Variants in MRTFA observed in about 807,000 individuals in gnomAD.
MRTFA encodes myocardin-related transcription factor A.
MRTFA carries 20 observed loss-of-function variants against 83.5 expected under a neutral mutation model. The ratio of observed to expected loss-of-function variants is 0.24; its 90% CI spans 0.17 to 0.35. MRTFA has a LOEUF of 0.35. Among genes scored for constraint, MRTFA ranks in the 10% least tolerant of loss-of-function variants. The pLI, the probability that MRTFA is intolerant of heterozygous loss-of-function variation, is 1.00. For missense variants in MRTFA, 1,200 were observed against 1,224.7 expected (o/e 0.98, Z 0.30); for synonymous variants, 659 against 541.2 (o/e 1.22, Z -3.02).
intron 1 of MRTFA, among the ~76,000 whole-genome samples, chr22:40,599,282 G>A (rs543012091): frequency 2.0e-5 from 3 of 152,152 alleles, no homozygotes; most frequent in East Asian, 1.9e-4. Context: ...TGGGCAACAA[G>A]AACGAAACTC....
intron 1 of MRTFA, among the ~76,000 whole-genome samples, chr22:40,604,922 G>C (rs961657240): frequency 6.6e-5 from 10 of 152,098 alleles, no homozygotes; most frequent in Non-Finnish European, 2.9e-5. Flanking sequence ...GCAAGTATGT[G>C]GTGCCATAAA....
chr22:40,548,621 G>A (rs951182840), intron 3 of MRTFA, among the ~76,000 whole-genome samples: 2 of 152,056 alleles, frequency 1.3e-5, no homozygotes, highest in Non-Finnish European at 2.9e-5. Flanking sequence ...AGCACTTTGG[G>A]AGGCCAAGGC....
intron 1 of MRTFA, among the ~76,000 whole-genome samples, chr22:40,616,271 A>G (rs1217186109): frequency 6.6e-6 from 1 of 152,190 alleles, no homozygotes; most frequent in Non-Finnish European, 1.5e-5. Context: ...CTCTTTATTA[A>G]AACCCATGAT....
chr22:40,453,147 A>AAT (rs1405477701), intron 4 of MRTFA, among the ~76,000 whole-genome samples: 1 of 152,248 alleles, frequency 6.6e-6, no homozygotes, highest in Non-Finnish European at 1.5e-5. Context: ...TCTCAGCTTC[A>AAT]ACTCTAGGGA....
intron 4 of MRTFA, among the ~76,000 whole-genome samples, chr22:40,445,889 T>G (rs2053368358): frequency 6.6e-6 from 1 of 152,192 alleles, no homozygotes; most frequent in Non-Finnish European, 1.5e-5. Flanking sequence ...TTGGTTGTTG[T>G]CAATTTGGTC....
rs1425034488 is a variant in MRTFA at position 40,429,751 on chromosome 22, T to C, written c.456A>G (p.Pro152=). 1 of 1,613,168 alleles carries C rather than the reference T, an allele frequency of 6.2e-7. No individual in the cohort carries two copies. Residue 152 remains proline, a synonymous_variant, in exon 7 of 15, where the codon CCA becomes CCG. Coordinates refer to ENST00000355630, the MANE Select transcript of MRTFA (RefSeq NM_020831.6). Reference sequence around the variant, plus strand: ...GCTTCAGCTGCTTGGCCTGGAGGGATGGCTCAGCCGAGGTCTCTGCCCATG... The same window carrying C: ...GCTTCAGCTGCTTGGCCTGGAGGGACGGCTCAGCCGAGGTCTCTGCCCATG...
intron 1 of MRTFA, among the ~76,000 whole-genome samples, chr22:40,629,775 C>CAAAA (rs766356425): frequency 2.5e-5 from 1 of 40,366 alleles, no homozygotes; most frequent in Non-Finnish European, 5.3e-5. Context: ...GATTCCATCT[C>CAAAA]AAAAAAAAAA....
At chr22:40,501,747 G>A (rs1309107307) in intron 3 of MRTFA, among the ~76,000 whole-genome samples, 1 of 55,502 alleles carries the variant, frequency 1.8e-5, no homozygotes, top group African/African-American at 8.2e-5. Flanking sequence ...TTCCCAGTAG[G>A]GGCGGCTGGG....
intron 3 of MRTFA, among the ~76,000 whole-genome samples, chr22:40,530,328 G>C (rs562980034): frequency 6.6e-6 from 1 of 152,092 alleles, no homozygotes; most frequent in South Asian, 2.1e-4. Flanking sequence ...GCAGGGTCTC[G>C]CTCTGTCGCC....
At chr22:40,605,539 A>G (rs1165723325) in intron 1 of MRTFA, among the ~76,000 whole-genome samples, 1 of 152,132 alleles carries the variant, frequency 6.6e-6, no homozygotes, top group Non-Finnish European at 1.5e-5. Context: ...CAATGGAAAA[A>G]CCACCGCAGG....
intron 2 of MRTFA, among the ~76,000 whole-genome samples, chr22:40,592,309 G>A (rs1214168843): frequency 2.7e-5 from 4 of 150,180 alleles, no homozygotes; most frequent in East Asian, 1.9e-4. Context: ...TTAGCCAGGC[G>A]TGGTGGCACA....
At chr22:40,448,237 G>A (rs1290000556) in intron 4 of MRTFA, among the ~76,000 whole-genome samples, 2 of 152,216 alleles carry the variant, frequency 1.3e-5, no homozygotes, top group Non-Finnish European at 1.5e-5. Flanking sequence ...TTGAACCCGG[G>A]TAGCGGAGGT....
intron 3 of MRTFA, among the ~76,000 whole-genome samples, chr22:40,537,032 C>G (rs1299072441): frequency 1.6e-5 from 1 of 61,772 alleles, no homozygotes; most frequent in Admixed American, 1.9e-4. Flanking sequence ...TCAGCCCCCC[C>G]GCCCGGCCAG....
intron 5 of MRTFA, chr22:40,433,600 T>C (rs2053112112): frequency 6.5e-6 from 1 of 153,846 alleles, no homozygotes; most frequent in African/African-American, 2.4e-5. Flanking sequence ...ATAGCTGCCT[T>C]ATGTAGCACG....
At chr22:40,596,753 C>T (rs1197526246) in intron 1 of MRTFA, among the ~76,000 whole-genome samples, 1 of 152,126 alleles carries the variant, frequency 6.6e-6, no homozygotes, top group Non-Finnish European at 1.5e-5. Flanking sequence ...TGCAGTGAGC[C>T]AAGATCACAC....
Position 40,423,640 on chromosome 22 carries a change from A to T in MRTFA, c.823T>A (p.Phe275Ile). 6.3e-7 allele frequency: 1 copy of T among 1,591,678 alleles called. No homozygotes were observed. Among genetic ancestry groups the T allele is most frequent in the Non-Finnish European group, 8.6e-7 (1 of 1,168,220 alleles). ...GGCAGAGGAGGCTGCTCTGCCAGGA[A>T]AAGCATTTCTCTGGAATCCCGGCCC... Residue 275 changes from phenylalanine (F) to isoleucine (I), a missense_variant, in exon 9 of 15, where the codon TTC becomes ATC. By Grantham distance (21) the Phe-to-Ile change is conservative. Around this residue, in one of 2 missense-constraint regions of MRTFA, gnomAD observed 1,107 missense variants for 1,041.8 expected, o/e 1.06. Coordinates refer to ENST00000355630, the MANE Select transcript of MRTFA (RefSeq NM_020831.6).
intron 3 of MRTFA, among the ~76,000 whole-genome samples, chr22:40,513,940 T>C (rs538497104): frequency 2.1e-4 from 31 of 150,742 alleles, no homozygotes; most frequent in Non-Finnish European, 4.3e-4. Flanking sequence ...CTAGTTAAAG[T>C]AATAATTTTT....
At chr22:40,615,415 G>C (rs1326178750) in intron 1 of MRTFA, among the ~76,000 whole-genome samples, 1 of 152,070 alleles carries the variant, frequency 6.6e-6, no homozygotes, top group African/African-American at 2.4e-5. Context: ...AATTTTGTTT[G>C]TTCTTCCTCT....
intron 4 of MRTFA, among the ~76,000 whole-genome samples, chr22:40,441,831 T>TACACACACAC (rs562549245): frequency 1.4e-5 from 2 of 147,840 alleles, no homozygotes; most frequent in African/African-American, 5.0e-5. Context: ...TATATATATA[T>TACACACACAC]ACACACACAC....
Sources: allele counts gnomAD v4.1 joint callset (sites outside exome capture counted in the v4.1 genomes callset), GRCh38; gene constraint gnomAD v4.1.1; regional missense constraint gnomAD v4.1.1; transcripts MANE v1.5; gene names NCBI Gene and HGNC (gene_info 2026-07-23, HGNC 2026-07-21).